The following OSBPL10 variants were observed in gnomAD, a reference collection of about 807,000 sequenced individuals.
OSBPL10 encodes oxysterol-binding protein-related protein 10.
A neutral mutation model predicts 81.7 loss-of-function variants in OSBPL10; 49 were observed. The ratio of observed to expected loss-of-function variants is 0.60; its 90% CI spans 0.48 to 0.76. The LOEUF (loss-of-function observed/expected upper bound fraction) is 0.76, where lower values mean the gene tolerates loss of function less well. Ranked by LOEUF, OSBPL10 falls within the 30% of genes least tolerant of loss-of-function variation. The pLI, the probability that OSBPL10 is intolerant of heterozygous loss-of-function variation, is 0.00. For synonymous variants in OSBPL10, 419 were observed against 383.6 expected (o/e 1.09, Z -1.08); for missense variants, 923 against 987.8 (o/e 0.93, Z 0.88).
intron 4 of OSBPL10, among the ~76,000 whole-genome samples, chr3:31,803,615 A>G (rs961269674): frequency 6.6e-6 from 1 of 152,250 alleles, no homozygotes; most frequent in Non-Finnish European, 1.5e-5. Context: ...AGAAATTTAT[A>G]TGGACAAAAT....
At chr3:31,973,827 T>C (rs1238313464) in intron 1 of OSBPL10, among the ~76,000 whole-genome samples, 3 of 152,212 alleles carry the variant, frequency 2.0e-5, no homozygotes, top group African/African-American at 7.2e-5. Context: ...ATTCTAATGC[T>C]AGGTATTTAC....
At chr3:31,771,564 T>C (rs996618017) in intron 4 of OSBPL10, among the ~76,000 whole-genome samples, 5 of 152,128 alleles carry the variant, frequency 3.3e-5, no homozygotes, top group African/African-American at 1.2e-4. Flanking sequence ...CAAACAAGTT[T>C]TATTGGGGTA....
intron 4 of OSBPL10, among the ~76,000 whole-genome samples, chr3:31,802,762 ATCC>A (rs1482831701): frequency 6.6e-6 from 1 of 152,042 alleles, no homozygotes; most frequent in Non-Finnish European, 1.5e-5. Context: ...TAAAAGTGAA[ATCC>A]ATTAAAAACA....
At chr3:31,977,744 T>C (rs563129041) in intron 1 of OSBPL10, among the ~76,000 whole-genome samples, 35 of 152,250 alleles carry the variant, frequency 2.3e-4, no homozygotes, top group Non-Finnish European at 5.0e-4. Flanking sequence ...TGTATCAATG[T>C]ATTTACTCTT....
chr3:32,020,020 C>G (rs1699347691), intron 2 of OSBPL10, among the ~76,000 whole-genome samples: 1 of 152,190 alleles, frequency 6.6e-6, no homozygotes, highest in African/African-American at 2.4e-5. Context: ...TCTGTAGAAG[C>G]CGAGTCAATG....
chr3:32,068,510 G>C (rs534771218), intron 1 of OSBPL10, among the ~76,000 whole-genome samples: 1 of 151,970 alleles, frequency 6.6e-6, no homozygotes, highest in Admixed American at 6.6e-5. Flanking sequence ...CCCTTAGCCT[G>C]TGTTCTCAAG....
At chr3:32,072,655 A>C (rs1252798487) in intron 1 of OSBPL10, among the ~76,000 whole-genome samples, 1 of 152,034 alleles carries the variant, frequency 6.6e-6, no homozygotes, top group Non-Finnish European at 1.5e-5. Context: ...TATTCTACTA[A>C]TCCTCAGGGA....
At chr3:31,978,718 A>G (rs1698749493) in intron 1 of OSBPL10, among the ~76,000 whole-genome samples, 1 of 152,236 alleles carries the variant, frequency 6.6e-6, no homozygotes, top group South Asian at 2.1e-4. Flanking sequence ...GCAGACAGCT[A>G]TAAATTGCAG....
At chr3:31,969,461 A>G (rs1350147376) in intron 1 of OSBPL10, 2 of 151,462 alleles carry the variant, frequency 1.3e-5, no homozygotes, top group East Asian at 3.9e-4. Flanking sequence ...ACCCATGCAC[A>G]GAAAGATATT....
chr3:31,907,092 C>A (rs1365947261), intron 1 of OSBPL10: 2 of 152,162 alleles, frequency 1.3e-5, no homozygotes, highest in Non-Finnish European at 2.9e-5. Flanking sequence ...TGCACAGATA[C>A]ACAGATGCAC....
intron 3 of OSBPL10, among the ~76,000 whole-genome samples, chr3:31,860,092 C>T (rs946109670): frequency 1.6e-4 from 24 of 152,184 alleles, no homozygotes; most frequent in African/African-American, 5.8e-4. Context: ...ACCAGCCCTT[C>T]CTGCTCCCTT....
chr3:31,858,840 A>G (rs111907233), intron 3 of OSBPL10, among the ~76,000 whole-genome samples: 7,635 of 152,238 alleles, frequency 0.05, 647 homozygotes, highest in African/African-American at 0.17. Flanking sequence ...TTTTAGGGGG[A>G]AAGTCATAAC....
Position 31,980,900 on chromosome 3 carries a change from T to C in OSBPL10, c.280A>G (p.Arg94Gly). The change falls in exon 1 of 12, where the codon AGG becomes GGG. Residue 94 changes from arginine (R) to glycine (G), a missense_variant and splice_region_variant. Coordinates refer to ENST00000396556, the MANE Select transcript of OSBPL10 (RefSeq NM_017784.5). ...TGGCGCGGGCGGCTGGCGCGTTACC[T>C]GTTCTGCCAGCCCTGGAGGAGGTTG... The part of the protein sequence containing the change: ...YTNLLQGWQN[R>G]YFVLDFEAGI... 1 of 1,568,568 alleles carries C rather than the reference T, an allele frequency of 6.4e-7. No individual in the cohort carries two copies. Among genetic ancestry groups the C allele is most frequent in the Non-Finnish European group, 8.6e-7 (1 of 1,161,184 alleles).
At chr3:31,917,394 A>G (rs1696788445) in intron 1 of OSBPL10, among the ~76,000 whole-genome samples, 1 of 151,786 alleles carries the variant, frequency 6.6e-6, no homozygotes, top group Non-Finnish European at 1.5e-5. Context: ...GACTAGAGAA[A>G]AAAAGTACAT....
At chr3:31,966,024 G>A (rs2125479242) in intron 1 of OSBPL10, among the ~76,000 whole-genome samples, 1 of 137,724 alleles carries the variant, frequency 7.3e-6, no homozygotes, top group South Asian at 2.2e-4. Flanking sequence ...GCCAGGCTCA[G>A]TCGCTCATGC....
chr3:31,902,712 G>A (rs1183093253), intron 1 of OSBPL10, among the ~76,000 whole-genome samples: 2 of 152,084 alleles, frequency 1.3e-5, no homozygotes, highest in African/African-American at 2.4e-5. Flanking sequence ...ACAGGCACCC[G>A]CCACCACGCC....
At chr3:31,670,267 A>G (rs968402427) in intron 9 of OSBPL10, among the ~76,000 whole-genome samples, 12 of 152,234 alleles carry the variant, frequency 7.9e-5, no homozygotes, top group Non-Finnish European at 1.5e-4. Context: ...GAGCTGTGCT[A>G]AAAGAGGAAT....
chr3:31,876,301 C>A, intron 3 of OSBPL10, 132 bp downstream of exon 3: 2 of 708,048 alleles, frequency 2.8e-6, no homozygotes, highest in Non-Finnish European at 4.9e-6. Context: ...TGCAGCAGGA[C>A]AAGTAGGAAT....
chr3:31,882,493 A>G (rs1559503923), intron 1 of OSBPL10, among the ~76,000 whole-genome samples: 1 of 152,260 alleles, frequency 6.6e-6, no homozygotes, highest in Non-Finnish European at 1.5e-5. Flanking sequence ...ACAAGCTTCC[A>G]GGTAATCTGC....
Sources: allele counts gnomAD v4.1 joint callset (sites outside exome capture counted in the v4.1 genomes callset), GRCh38; gene constraint gnomAD v4.1.1; transcripts MANE v1.5; gene names NCBI Gene and HGNC (gene_info 2026-07-23, HGNC 2026-07-21).